Variants in VKORC1L1 observed in about 807,000 individuals in gnomAD.
VKORC1L1 encodes the protein vitamin K epoxide reductase complex subunit 1-like protein 1.
A neutral mutation model predicts 18.9 loss-of-function variants in VKORC1L1; 2 were observed. The ratio of observed to expected loss-of-function variants is 0.11; its 90% CI spans 0.04 to 0.33. The LOEUF (loss-of-function observed/expected upper bound fraction) is 0.33, where lower values mean the gene tolerates loss of function less well. VKORC1L1 is among the 10% of genes least tolerant of loss of function. The probability of loss-of-function intolerance (pLI) is 1.00; values close to 1 mark genes in which losing one functional copy is unlikely to be tolerated. For missense variants in VKORC1L1, 123 were observed against 224.1 expected (o/e 0.55, Z 2.88); for synonymous variants, 96 against 100.0 (o/e 0.96, Z 0.24).
chr7:65,874,222 G>C (rs1402008635), intron 1 of VKORC1L1, among the ~76,000 whole-genome samples: 1 of 152,074 alleles, frequency 6.6e-6, no homozygotes, highest in African/African-American at 2.4e-5. Flanking sequence ...TAACATATCT[G>C]ATTTCTTGGA....
At chr7:65,934,687 C>A (rs754289788) in intron 1 of VKORC1L1, among the ~76,000 whole-genome samples, 3 of 152,148 alleles carry the variant, frequency 2.0e-5, no homozygotes, top group Non-Finnish European at 4.4e-5. Context: ...ATTCCATCCA[C>A]GTCACCAATG....
intron 1 of VKORC1L1, among the ~76,000 whole-genome samples, chr7:65,933,567 C>A (rs1009924637): frequency 1.5e-4 from 23 of 152,022 alleles, no homozygotes; most frequent in Admixed American, 5.9e-4. Context: ...TTACTCTTAA[C>A]CTATGTTATT....
At chr7:65,868,980 A>C (rs1337665928), upstream of VKORC1L1, among the ~76,000 whole-genome samples, 1 of 152,122 alleles carries the variant, frequency 6.6e-6, no homozygotes, top group Non-Finnish European at 1.5e-5. Flanking sequence ...AGTATCAATC[A>C]GTCAATGTTC....
chr7:65,922,347 C>A (rs1789691561), intron 1 of VKORC1L1, among the ~76,000 whole-genome samples: 1 of 151,356 alleles, frequency 6.6e-6, no homozygotes, highest in Non-Finnish European at 1.5e-5. Context: ...GTCGCGCAAT[C>A]TTGGCTGACC....
chr7:65,875,218 A>G (rs1295886292), intron 1 of VKORC1L1, among the ~76,000 whole-genome samples: 1 of 152,232 alleles, frequency 6.6e-6, no homozygotes, highest in Non-Finnish European at 1.5e-5. Context: ...GCAAAAATCA[A>G]GTAGCTTATA....
intron 1 of VKORC1L1, among the ~76,000 whole-genome samples, chr7:65,945,122 G>A (rs1345199791): frequency 1.3e-5 from 2 of 151,828 alleles, no homozygotes; most frequent in African/African-American, 2.4e-5. Flanking sequence ...TTAGCTGGGC[G>A]TGGTGGCGGG....
Position 65,873,260 on chromosome 7 carries a change from T to TGGCGGCGGC in VKORC1L1, c.-106_-98dup, listed in dbSNP as rs1356372469. The stretch of plus-strand genomic sequence containing the variant: ...GGCGCGGCGGCGGCGGCGGCGGTGG[T>TGGCGGCGGC]GGCGGCGGCGGCGGAGGCGGCGGTG... On this transcript the variant is annotated 5_prime_UTR_variant, in exon 1 of 3. Coordinates refer to ENST00000360768, the MANE Select transcript of VKORC1L1 (RefSeq NM_173517.6). The TGGCGGCGGC allele has an allele frequency of 3.2e-5, 29 of 916,546 alleles. No individual in the cohort carries two copies. Among genetic ancestry groups the TGGCGGCGGC allele is most frequent in the Non-Finnish European group, 3.6e-5 (28 of 783,464 alleles). 56.8% of individuals were successfully genotyped at this position (916,546 alleles called of 1,614,324 possible). A position where few individuals can be genotyped will look rare whatever the true frequency, so the allele number is the denominator to read the frequency against.
chr7:65,952,441 G>A (rs534274023), intron 2 of VKORC1L1, among the ~76,000 whole-genome samples: 1 of 152,148 alleles, frequency 6.6e-6, no homozygotes, highest in East Asian at 1.9e-4. Context: ...AAGTAATTCA[G>A]CAGCACCTTA....
chr7:65,952,810 A>T, intron 2 of VKORC1L1, among the ~76,000 whole-genome samples: 1 of 101,680 alleles, frequency 9.8e-6, no homozygotes, highest in Non-Finnish European at 1.8e-5. Flanking sequence ...TTTGAGACAG[A>T]GTTAAGACTC....
At chr7:65,903,903 G>A (rs1789362098) in intron 1 of VKORC1L1, among the ~76,000 whole-genome samples, 1 of 152,082 alleles carries the variant, frequency 6.6e-6, no homozygotes, top group Non-Finnish European at 1.5e-5. Context: ...GGATTGAAAA[G>A]TGCTAGAAAT....
At chr7:65,927,063 G>A (rs957467455) in intron 1 of VKORC1L1, among the ~76,000 whole-genome samples, 3 of 152,152 alleles carry the variant, frequency 2.0e-5, no homozygotes, top group African/African-American at 7.2e-5. Context: ...GAGAAGGGCA[G>A]ATCACTTGAG....
chr7:65,899,103 T>C (rs1789266182), intron 1 of VKORC1L1, among the ~76,000 whole-genome samples: 1 of 152,246 alleles, frequency 6.6e-6, no homozygotes, highest in South Asian at 2.1e-4. Flanking sequence ...GCGTGTCTTA[T>C]TCATTTCAAC....
At chr7:65,910,792 C>T (rs1274384917) in intron 1 of VKORC1L1, among the ~76,000 whole-genome samples, 1 of 151,978 alleles carries the variant, frequency 6.6e-6, no homozygotes, top group Non-Finnish European at 1.5e-5. Flanking sequence ...TTGTTCTTGA[C>T]AATAGCATTT....
intron 1 of VKORC1L1, among the ~76,000 whole-genome samples, chr7:65,907,735 A>T (rs1417540590): frequency 6.6e-6 from 1 of 152,180 alleles, no homozygotes; most frequent in Non-Finnish European, 1.5e-5. Context: ...CAGATCTTTG[A>T]GCAGGTGTTT....
chr7:65,941,480 A>G (rs905163239), intron 1 of VKORC1L1, among the ~76,000 whole-genome samples: 13 of 151,982 alleles, frequency 8.6e-5, no homozygotes, highest in Admixed American at 1.3e-4. Flanking sequence ...TAATTTTTAA[A>G]AATACATTAT....
At chr7:65,895,514 T>TACACAC (rs1236686939) in intron 1 of VKORC1L1, among the ~76,000 whole-genome samples, 106 of 77,492 alleles carry the variant, frequency 1.4e-3, no homozygotes, top group East Asian at 3.3e-3. Context: ...TATATATATA[T>TACACAC]ATACACACAC....
chr7:65,954,392 T>G lies in VKORC1L1; in HGVS notation c.*92T>G. On this transcript the variant is annotated 3_prime_UTR_variant, in exon 3 of 3. Transcript: ENST00000360768. ...TTATTATTATTATTATTATTATTAT[T>G]CACAACAGACACTTTCCCTAAGAAT... 3 of 1,460,924 alleles carry G rather than the reference T, an allele frequency of 2.1e-6. No homozygotes were observed. Among genetic ancestry groups the G allele is most frequent in the Non-Finnish European group, 2.7e-6 (3 of 1,109,304 alleles). 90.5% of individuals were successfully genotyped at this position (1,460,924 alleles called of 1,614,324 possible).
intron 1 of VKORC1L1, among the ~76,000 whole-genome samples, chr7:65,880,699 T>C (rs1788913334): frequency 1.3e-5 from 2 of 152,142 alleles, no homozygotes; most frequent in Non-Finnish European, 2.9e-5. Flanking sequence ...TAGGAAGAAC[T>C]TGAAAGGGTA....
intron 2 of VKORC1L1, among the ~76,000 whole-genome samples, chr7:65,949,834 CT>C (rs1169153964): frequency 9.9e-5 from 15 of 152,280 alleles, no homozygotes; most frequent in Admixed American, 2.6e-4. Context: ...GTCGTTTATC[CT>C]AAGTGTTATT....
Sources: allele counts gnomAD v4.1 joint callset (sites outside exome capture counted in the v4.1 genomes callset), GRCh38; gene constraint gnomAD v4.1.1; transcripts MANE v1.5; gene names NCBI Gene and HGNC (gene_info 2026-07-23, HGNC 2026-07-21).